Variants in DPYSL2 observed in about 807,000 individuals in gnomAD.
DPYSL2 encodes dihydropyrimidinase-related protein 2.
In DPYSL2, 13 loss-of-function variants were observed where a neutral mutation model predicts 69.9. The observed-to-expected ratio is 0.19, with a 90% CI of 0.12 to 0.30. The LOEUF (loss-of-function observed/expected upper bound fraction) is 0.30, where lower values mean the gene tolerates loss of function less well. Among genes scored for constraint, DPYSL2 ranks in the 10% least tolerant of loss-of-function variants. The probability of loss-of-function intolerance (pLI) is 1.00; values close to 1 mark genes in which losing one functional copy is unlikely to be tolerated. For missense variants in DPYSL2, 587 were observed against 918.9 expected (o/e 0.64, Z 4.67); for synonymous variants, 326 against 359.1 (o/e 0.91, Z 1.04).
In DPYSL2 at chr8:26,614,363, AAC is replaced by A. The variant is rs1324223419; in HGVS notation, c.629-9778_629-9777del. 6.6e-6 allele frequency among the ~76,000 whole-genome samples: 1 copy of A among 152,108 alleles called. No individual in the cohort carries two copies. The highest frequency in any genetic ancestry group is 6.5e-5 in the Admixed American group (1 of 15,276). Reference sequence around the variant, plus strand: ...GGGAGCGAGAAGGTGGGGCGTCAGCAACATTCAGCTCCCTCCATAGCTCGATG... The same window carrying A: ...GGGAGCGAGAAGGTGGGGCGTCAGCAATTCAGCTCCCTCCATAGCTCGATG... On this transcript the variant is annotated intron_variant, in intron 3 of 13. Transcript: ENST00000521913. This position sits in a 1 kb window ranked among gnomAD's most constrained non-coding sequence, Gnocchi z 4.9.
chr8:26,579,268 C>A (rs971084495), intron 1 of DPYSL2, among the ~76,000 whole-genome samples: 1 of 152,228 alleles, frequency 6.6e-6, no homozygotes, highest in Admixed American at 6.5e-5. Context: ...CGTGAATTAG[C>A]GATGCCTCAG....
intron 3 of DPYSL2, among the ~76,000 whole-genome samples, chr8:26,616,825 C>T (rs1802362491): frequency 3.3e-5 from 5 of 152,002 alleles, no homozygotes; most frequent in Non-Finnish European, 7.4e-5. Context: ...ATGGGTATAA[C>T]CCCAAGGTGG....
chr8:26,616,666 C>T (rs954391770), intron 3 of DPYSL2, among the ~76,000 whole-genome samples: 1 of 152,198 alleles, frequency 6.6e-6, no homozygotes, highest in Non-Finnish European at 1.5e-5. Context: ...AGCATCTGCC[C>T]CTCCTTGCTT....
chr8:26,526,706 T>C (rs979426546), intron 1 of DPYSL2, among the ~76,000 whole-genome samples: 1 of 152,250 alleles, frequency 6.6e-6, no homozygotes, highest in Non-Finnish European at 1.5e-5. Context: ...CTTGAGCATA[T>C]TGTCAATGTC....
Position 26,644,566 on chromosome 8 carries a change from A to T in DPYSL2, c.1425+475A>T, listed in dbSNP as rs1477470135. On this transcript the variant is annotated intron_variant, in intron 10 of 13. Transcript: ENST00000521913. The surrounding 1 kb of genome is among the most constrained non-coding windows in gnomAD (Gnocchi z 4.5). ...GTTTAAGCAATGCCTCGGCCTCCCA[A>T]AGTGCTGGGATTACAGGTGTGAGCC... Among the ~76,000 whole-genome samples, 2 of 152,018 alleles carry T rather than the reference A, an allele frequency of 1.3e-5. No homozygotes were observed. Among genetic ancestry groups the T allele is most frequent in the East Asian group, 3.9e-4 (2 of 5,152 alleles).
intron 1 of DPYSL2, among the ~76,000 whole-genome samples, chr8:26,538,552 A>G (rs887748697): frequency 3.3e-5 from 5 of 152,174 alleles, no homozygotes; most frequent in African/African-American, 1.2e-4. Flanking sequence ...CATGGTCTTC[A>G]GTGATGTTGA....
chr8:26,561,918 C>T (rs918285405), intron 1 of DPYSL2, among the ~76,000 whole-genome samples: 3 of 152,200 alleles, frequency 2.0e-5, no homozygotes, highest in African/African-American at 4.8e-5. Flanking sequence ...TGGACGGGTA[C>T]TGGTCTGCAG....
intron 1 of DPYSL2, among the ~76,000 whole-genome samples, chr8:26,551,407 G>A (rs1800872554): frequency 6.6e-6 from 1 of 152,180 alleles, no homozygotes; most frequent in Admixed American, 6.5e-5. Flanking sequence ...CTGTATATGT[G>A]CCTAACAACA....
chr8:26,552,465 A>G (rs928575892), intron 1 of DPYSL2, among the ~76,000 whole-genome samples: 2 of 152,226 alleles, frequency 1.3e-5, no homozygotes, highest in African/African-American at 4.8e-5. Context: ...CTTTGAAAAG[A>G]TCAGTACAAT....
At position 26,648,980 on chromosome 8, in the gene DPYSL2, C is replaced by A. The variant is rs1803228722; in HGVS notation, c.1596+1180C>A. ...AGCCTTATGATCGCGCCCCTTACAG[C>A]CCAGATCATGACTTCTTGGGTGTCC... On this transcript the variant is annotated intron_variant, in intron 11 of 13. Coordinates refer to ENST00000521913, the MANE Select transcript of DPYSL2 (RefSeq NM_001197293.3). This position sits in a 1 kb window ranked among gnomAD's most constrained non-coding sequence, Gnocchi z 4.3. Among the ~76,000 whole-genome samples the A allele has an allele frequency of 6.6e-6, 1 of 152,208 alleles. No homozygotes were observed. The highest frequency in any genetic ancestry group is 1.5e-5 in the Non-Finnish European group (1 of 68,036).
intron 1 of DPYSL2, among the ~76,000 whole-genome samples, chr8:26,550,694 C>T (rs1163398121): frequency 6.6e-6 from 1 of 152,168 alleles, no homozygotes; most frequent in Non-Finnish European, 1.5e-5. Context: ...AATTAGCTCA[C>T]TCTGTTATGA....
At chr8:26,579,956 C>A (rs899292875) in intron 1 of DPYSL2, among the ~76,000 whole-genome samples, 1 of 7,608 alleles carries the variant, frequency 1.3e-4, no homozygotes, top group East Asian at 0.12. Flanking sequence ...TAAAGAGCGC[C>A]CCCCCCCCCA....
At chr8:26,649,392 G>A (rs1803236369) in intron 11 of DPYSL2, among the ~76,000 whole-genome samples, 1 of 152,182 alleles carries the variant, frequency 6.6e-6, no homozygotes, top group African/African-American at 2.4e-5. Context: ...ACCTAGCTGG[G>A]GAACTTGCAT....
At chr8:26,559,572 C>T (rs914277550) in intron 1 of DPYSL2, among the ~76,000 whole-genome samples, 1 of 152,018 alleles carries the variant, frequency 6.6e-6, no homozygotes, top group African/African-American at 2.4e-5. Flanking sequence ...ATTTATTGAG[C>T]ATTTAATTTC....
rs1316731457 is a variant in DPYSL2 at position 26,569,377 on chromosome 8, CA to C, written c.355-12583del. Among the ~76,000 whole-genome samples the C allele has an allele frequency of 1.1e-4, 14 of 126,586 alleles. 1 individual carries two copies. The highest frequency in any genetic ancestry group is 4.2e-3 in the Middle Eastern group (1 of 238). 83.0% of individuals were successfully genotyped at this position (126,586 alleles called of 152,430 possible). On this transcript the variant is annotated intron_variant, in intron 1 of 13. Transcript: ENST00000521913. ...TCCAAAAAAAAAACAAAAACAAAAA[CA>C]AAAAAAAACCAAAGAAAAACCCAAA...
In DPYSL2 at chr8:26,653,169, G is replaced by A. The variant is rs921025888; in HGVS notation, c.1777-63G>A. ...CACAGGCCCATCCTCCCTCCAGGAGGGTTTCTAGAGAGGTATCCTCTGTGG... is the reference window on the plus strand; with the variant it reads ...CACAGGCCCATCCTCCCTCCAGGAGAGTTTCTAGAGAGGTATCCTCTGTGG... On this transcript the variant is annotated intron_variant, in intron 12 of 13. Coordinates refer to ENST00000521913, the MANE Select transcript of DPYSL2 (RefSeq NM_001197293.3). The surrounding 1 kb of genome is among the most constrained non-coding windows in gnomAD (Gnocchi z 5.7). 7.7e-6 allele frequency: 12 copies of A among 1,563,120 alleles called. No homozygotes were observed. Among genetic ancestry groups the A allele is most frequent in the Middle Eastern group, 3.4e-4 (2 of 5,814 alleles).
chr8:26,544,655 T>TAA (rs1007660086), intron 1 of DPYSL2, among the ~76,000 whole-genome samples: 6 of 152,252 alleles, frequency 3.9e-5, no homozygotes, highest in African/African-American at 1.4e-4. Context: ...CTGATGGATA[T>TAA]AAGTACATGT....
chr8:26,637,685 G>A (rs1415250596), intron 8 of DPYSL2: 1 of 152,190 alleles, frequency 6.6e-6, no homozygotes, highest in Non-Finnish European at 1.5e-5. Flanking sequence ...AGTATTAATT[G>A]TTTGCCTCCA....
chr8:26,543,834 T>G (rs1016074756), intron 1 of DPYSL2, among the ~76,000 whole-genome samples: 1 of 152,144 alleles, frequency 6.6e-6, no homozygotes, highest in Non-Finnish European at 1.5e-5. Context: ...GTGTTCCTAT[T>G]TAAAAGATAC....
Sources: allele counts gnomAD v4.1 joint callset (sites outside exome capture counted in the v4.1 genomes callset), GRCh38; gene constraint gnomAD v4.1.1; non-coding constraint Gnocchi (gnomAD v3.1); transcripts MANE v1.5; gene names NCBI Gene and HGNC (gene_info 2026-07-23, HGNC 2026-07-21).